Variants in ROBO1 observed in about 807,000 individuals in gnomAD.
ROBO1 encodes the protein roundabout guidance receptor 1, also known as roundabout homolog 1.
ROBO1 carries 149 observed loss-of-function variants against 195.9 expected under a neutral mutation model. The observed-to-expected ratio is 0.76, with a 90% CI of 0.67 to 0.87. The LOEUF (loss-of-function observed/expected upper bound fraction) is 0.87. Ranked by LOEUF, ROBO1 falls within the 40% of genes least tolerant of loss-of-function variation. The probability of loss-of-function intolerance (pLI) is 0.00; values close to 1 mark genes in which losing one functional copy is unlikely to be tolerated. For missense variants in ROBO1, 1,933 were observed against 2,068.3 expected (o/e 0.93, Z 1.27); for synonymous variants, 816 against 733.2 (o/e 1.11, Z -1.82).
intron 2 of ROBO1, among the ~76,000 whole-genome samples, chr3:79,502,277 C>G (rs1027294011): frequency 6.6e-6 from 1 of 152,096 alleles, no homozygotes; most frequent in Non-Finnish European, 1.5e-5. Flanking sequence ...GGGCGGGAAC[C>G]GGGGCTGCGC....
chr3:79,206,604 A>G (rs2081872712), intron 2 of ROBO1, among the ~76,000 whole-genome samples: 1 of 152,190 alleles, frequency 6.6e-6, no homozygotes, highest in African/African-American at 2.4e-5. Flanking sequence ...AGGAGAGATC[A>G]TTGTATATTC....
At chr3:79,109,537 T>G (rs1156234053) in intron 3 of ROBO1, among the ~76,000 whole-genome samples, 5 of 152,120 alleles carry the variant, frequency 3.3e-5, no homozygotes, top group Non-Finnish European at 5.9e-5. Context: ...TTCTCAAAGA[T>G]AGCTAGCACC....
intron 2 of ROBO1, among the ~76,000 whole-genome samples, chr3:79,314,771 A>G (rs925745024): frequency 1.4e-4 from 21 of 152,218 alleles, no homozygotes; most frequent in African/African-American, 5.1e-4. Context: ...CTCACACAGT[A>G]TATGTTTTAG....
At chr3:79,529,712 T>C (rs902858841) in intron 2 of ROBO1, among the ~76,000 whole-genome samples, 21 of 152,148 alleles carry the variant, frequency 1.4e-4, no homozygotes, top group African/African-American at 5.1e-4. Flanking sequence ...ATTTCTGGAA[T>C]TTTCCATTTA....
chr3:79,426,989 C>T (rs967280036), intron 2 of ROBO1, among the ~76,000 whole-genome samples: 2 of 152,024 alleles, frequency 1.3e-5, no homozygotes, highest in African/African-American at 4.8e-5. Context: ...CAATTAAATC[C>T]TTATCCCGGT....
At chr3:79,085,438 C>T (rs1411340487) in intron 3 of ROBO1, among the ~76,000 whole-genome samples, 2 of 152,240 alleles carry the variant, frequency 1.3e-5, no homozygotes, top group South Asian at 4.1e-4. Flanking sequence ...CTGTCAGTTT[C>T]CCTTGACTTC....
intron 4 of ROBO1, among the ~76,000 whole-genome samples, chr3:78,851,653 G>C (rs2106870266): frequency 6.6e-6 from 1 of 152,232 alleles, no homozygotes; most frequent in Admixed American, 6.5e-5. Flanking sequence ...CCTGAAAGCA[G>C]ATGAAAATAT....
In ROBO1 at chr3:79,063,336, G is replaced by A. The variant is rs998840329; in HGVS notation, c.172+62120C>T. Among the ~76,000 whole-genome samples, 3 of 151,876 alleles carry A rather than the reference G, an allele frequency of 2.0e-5. No homozygotes were observed. In the East Asian group the frequency reaches 5.8e-4, roughly 30 times the overall value. On this transcript the variant is annotated intron_variant, in intron 3 of 30. Coordinates refer to ENST00000464233, the MANE Select transcript of ROBO1 (RefSeq NM_002941.4). ...TTTCTCATTACTTCTTTAAAAGAAA[G>A]TGCATCATTCTTATCAGAATACAAC... is the stretch of plus-strand genomic sequence containing the variant.
chr3:78,811,198 GC>G (rs2084727034), intron 4 of ROBO1, among the ~76,000 whole-genome samples: 1 of 152,128 alleles, frequency 6.6e-6, no homozygotes, highest in Non-Finnish European at 1.5e-5. Context: ...CTGTGAGTCT[GC>G]TGGCTAAAGT....
At chr3:78,744,562 C>T (rs2082610751) in intron 5 of ROBO1, among the ~76,000 whole-genome samples, 1 of 152,202 alleles carries the variant, frequency 6.6e-6, no homozygotes, top group Admixed American at 6.5e-5. Flanking sequence ...TAAATCTTTA[C>T]TCATTCTGTT....
intron 11 of ROBO1, among the ~76,000 whole-genome samples, chr3:78,669,219 T>G (rs928820505): frequency 6.6e-6 from 1 of 152,200 alleles, no homozygotes. Context: ...AATAAACCCA[T>G]CTACTTCTGC....
Position 79,714,964 on chromosome 3 carries a change from A to G in ROBO1, c.-51+52788T>C, listed in dbSNP as rs560437614. 5.4e-3 allele frequency among the ~76,000 whole-genome samples: 820 copies of G among 151,884 alleles called. 3 individuals carry two copies. The highest frequency in any genetic ancestry group is 0.017 in the Middle Eastern group (5 of 292). On this transcript the variant is annotated intron_variant, in intron 1 of 30. Transcript: ENST00000464233. Reference sequence around the variant, plus strand: ...GTATACATATGTAACTAACCTGCACATTGTGCACATGTACCCTAAAACTTA... The same window carrying G: ...GTATACATATGTAACTAACCTGCACGTTGTGCACATGTACCCTAAAACTTA...
At chr3:79,657,734 A>G (rs565420414) in intron 1 of ROBO1, among the ~76,000 whole-genome samples, 13 of 152,256 alleles carry the variant, frequency 8.5e-5, no homozygotes, top group Middle Eastern at 6.8e-3. Flanking sequence ...ATTTTTATAT[A>G]TAACTTATAT....
At chr3:79,325,553 C>T (rs1019127560) in intron 2 of ROBO1, among the ~76,000 whole-genome samples, 2 of 152,148 alleles carry the variant, frequency 1.3e-5, no homozygotes, top group African/African-American at 2.4e-5. Context: ...AACGGAGGGA[C>T]CGGCTGAAGC....
intron 4 of ROBO1, among the ~76,000 whole-genome samples, chr3:78,813,015 C>T (rs1207920685): frequency 1.3e-5 from 2 of 151,854 alleles, no homozygotes; most frequent in Non-Finnish European, 1.5e-5. Flanking sequence ...GAAGAGTTTC[C>T]ATATAAAATT....
chr3:78,599,059 G>A (rs1346347437), intron 30 of ROBO1, 132 bp from the exon 31 acceptor site: 3 of 489,286 alleles, frequency 6.1e-6, no homozygotes, highest in Non-Finnish European at 7.0e-6. Flanking sequence ...TGTTGGAAAG[G>A]GCTCATGTCA....
chr3:79,293,352 G>T (rs2032376097), intron 2 of ROBO1, among the ~76,000 whole-genome samples: 1 of 151,808 alleles, frequency 6.6e-6, no homozygotes, highest in African/African-American at 2.4e-5. Flanking sequence ...TTGATTTTTT[G>T]AAGGACTTTT....
intron 21 of ROBO1, among the ~76,000 whole-genome samples, chr3:78,643,432 G>A (rs568135721): frequency 2.0e-4 from 30 of 152,274 alleles, no homozygotes; most frequent in Non-Finnish European, 3.4e-4. Context: ...AGAGTTAATG[G>A]AGGGCATAGT....
intron 2 of ROBO1, among the ~76,000 whole-genome samples, chr3:79,188,241 A>G (rs116560022): frequency 0.019 from 2,913 of 152,042 alleles, 52 homozygotes; most frequent in Middle Eastern, 0.024. Flanking sequence ...ACATGAAAAT[A>G]TCTTTAAGTA....
Sources: allele counts gnomAD v4.1 joint callset (sites outside exome capture counted in the v4.1 genomes callset), GRCh38; gene constraint gnomAD v4.1.1; transcripts MANE v1.5; gene names NCBI Gene and HGNC (gene_info 2026-07-23, HGNC 2026-07-21).